ABCA13: variants seen among roughly 807,000 people sequenced by gnomAD.
The protein encoded by ABCA13 is ATP binding cassette subfamily A member 13.
A neutral mutation model predicts 478.7 loss-of-function variants in ABCA13; 476 were observed. The observed-to-expected ratio is 0.99, with a 90% confidence interval of 0.92 to 1.07. The LOEUF (loss-of-function observed/expected upper bound fraction) is 1.07, where lower values mean the gene tolerates loss of function less well. ABCA13 is among the 50% of genes least tolerant of loss of function. The pLI, the probability that ABCA13 is intolerant of heterozygous loss-of-function variation, is 0.00. For synonymous variants in ABCA13, 2,252 were observed against 2,158.9 expected (o/e 1.04, Z -1.20); for missense variants, 6,060 against 5,910.6 (o/e 1.03, Z -0.83).
At chr7:48,281,646 A>G (rs1344452033) in intron 19 of ABCA13, among the ~76,000 whole-genome samples, 194 bp downstream of exon 19, 2 of 152,056 alleles carry the variant, frequency 1.3e-5, no homozygotes, top group African/African-American at 4.8e-5. Flanking sequence ...CTCCAGCCAA[A>G]TTGAACGGCC....
In ABCA13 at chr7:48,352,240, C is replaced by T. The variant is rs1372378917; in HGVS notation, c.10441C>T (p.Pro3481Ser). 6.2e-7 allele frequency: 1 copy of T among 1,611,262 alleles called. No individual in the cohort carries two copies. The highest frequency in any genetic ancestry group is 8.5e-7 in the Non-Finnish European group (1 of 1,178,382). Residue 3481 changes from proline to serine, a missense_variant, in exon 31 of 62, where the codon CCA (proline) becomes TCA (serine). Physicochemically the swap from Pro to Ser is moderately conservative, Grantham distance 74. Transcript: ENST00000435803. ...KNFRSESVKL[P>S]PHVSYTIRTN... ...CTTCAGATCAGAGTCTGTCAAACTG[C>T]CACCCCATGTCTCATACACAATCCG...
chr7:48,338,305 A>T (rs1354560222), intron 28 of ABCA13, 60 bp from the exon 29 acceptor site: 28 of 1,235,280 alleles, frequency 2.3e-5, no homozygotes, highest in Non-Finnish European at 3.0e-5. Context: ...TCTAATAAGT[A>T]TTATTCAATA....
chr7:48,453,008 TATAG>T lies in ABCA13; in HGVS notation c.12566-2016_12566-2013del, dbSNP rs572127677. On this transcript the variant is annotated intron_variant, in intron 42 of 61. Transcript: ENST00000435803. ...GTATATACTTGTATGTGTGTATATATATAGATAGATAGATAGGTAGAGATATAAA... is the reference window on the plus strand; with the variant it reads ...GTATATACTTGTATGTGTGTATATATATAGATAGATAGGTAGAGATATAAA... Among the ~76,000 whole-genome samples the T allele has an allele frequency of 9.5e-4, 145 of 152,336 alleles. No individual in the cohort carries two copies. In the Middle Eastern group the frequency reaches 0.01, roughly 11 times the overall value.
intron 42 of ABCA13, among the ~76,000 whole-genome samples, chr7:48,431,783 G>T (rs1408463012): frequency 6.6e-6 from 1 of 151,972 alleles, no homozygotes; most frequent in Non-Finnish European, 1.5e-5. Context: ...GGTCTTTTTA[G>T]ACAGTGCTGG....
chr7:48,229,710 C>A, intron 6 of ABCA13, 115 bp from the exon 7 acceptor site: 2 of 1,237,796 alleles, frequency 1.6e-6, no homozygotes, highest in Non-Finnish European at 2.3e-6. Context: ...GGTCCAGCCA[C>A]ATCTTGCAAC....
chr7:48,236,084 G>T (rs1278688244), intron 8 of ABCA13, among the ~76,000 whole-genome samples: 3 of 152,082 alleles, frequency 2.0e-5, no homozygotes, highest in Non-Finnish European at 4.4e-5. Context: ...GTAGATCAAG[G>T]ATCACCTGTA....
intron 23 of ABCA13, among the ~76,000 whole-genome samples, chr7:48,307,745 A>G (rs1801123914): frequency 6.6e-6 from 1 of 152,120 alleles, no homozygotes; most frequent in East Asian, 1.9e-4. Flanking sequence ...CAGTGGCACA[A>G]TCTCGGCTCA....
intron 28 of ABCA13, among the ~76,000 whole-genome samples, chr7:48,336,892 G>A (rs1295874774): frequency 6.6e-6 from 1 of 152,210 alleles, no homozygotes; most frequent in Non-Finnish European, 1.5e-5. Context: ...GGTCTCTGCT[G>A]CAACTATATA....
At position 48,391,921 on chromosome 7, in the gene ABCA13, A is replaced by T. The variant is rs1816123863; in HGVS notation, c.11655A>T (p.Ile3885=). The change falls in exon 38 of 62, where the codon ATA becomes ATT. Residue 3885 remains isoleucine, a splice_region_variant and synonymous_variant. Transcript: ENST00000435803. ...GTNGAGKTTI[I]SMLTGLHPPT... ...CATGCTGTCTTATTTTCTCTGGCAG[A>T]TCCATGTTGACGGGGCTCCACCCTC... 1 of 1,613,582 alleles carries T rather than the reference A, an allele frequency of 6.2e-7. No individual in the cohort carries two copies. Among genetic ancestry groups the T allele is most frequent in the South Asian group, 1.1e-5 (1 of 91,012 alleles).
intron 35 of ABCA13, among the ~76,000 whole-genome samples, chr7:48,382,232 C>T (rs2129044961): frequency 6.6e-6 from 1 of 152,316 alleles, no homozygotes; most frequent in East Asian, 1.9e-4. Flanking sequence ...CCGACCCCAG[C>T]ACCTCACCTC....
rs1336789141 is a variant in ABCA13, at chr7:48,274,533, G to A, written c.4867G>A (p.Glu1623Lys). ...TTCACCAAAAATAATAATTTCACCT[G>A]AAATAATGAAAGCTACAGGTCTTGG... ...QNSPKIIISP[E>K]IMKATGLGIQ... Residue 1623 changes from glutamate to lysine, a missense_variant, in exon 17 of 62, where the codon GAA (glutamate) becomes AAA (lysine). Around this residue, in one of 3 missense-constraint regions of ABCA13, gnomAD observed 4,423 missense variants for 4,309.1 expected, o/e 1.03. Coordinates refer to ENST00000435803, the MANE Select transcript of ABCA13 (RefSeq NM_152701.5). 6.2e-7 allele frequency: 1 copy of A among 1,613,686 alleles called. No individual in the cohort carries two copies. Among genetic ancestry groups the A allele is most frequent in the Admixed American group, 1.7e-5 (1 of 60,000 alleles).
At chr7:48,300,243 G>A (rs1799963173) in intron 23 of ABCA13, among the ~76,000 whole-genome samples, 1 of 152,320 alleles carries the variant, frequency 6.6e-6, no homozygotes, top group South Asian at 2.1e-4. Flanking sequence ...GCTGTTGGTG[G>A]CATGCAGGGA....
chr7:48,599,793 T>C (rs1417848034), intron 58 of ABCA13, among the ~76,000 whole-genome samples: 4 of 152,170 alleles, frequency 2.6e-5, no homozygotes, highest in African/African-American at 9.7e-5. Context: ...CACAAAATGG[T>C]GGCAGGCTGG....
intron 19 of ABCA13, 33 bp downstream of exon 19, chr7:48,281,485 T>G: frequency 6.5e-7 from 1 of 1,543,362 alleles, no homozygotes; most frequent in East Asian, 2.4e-5. Context: ...GCTCTGCAAT[T>G]GCCCTGTGCC....
At chr7:48,338,865 C>A (rs529264606) in intron 29 of ABCA13, among the ~76,000 whole-genome samples, 1 of 152,278 alleles carries the variant, frequency 6.6e-6, no homozygotes, top group African/African-American at 2.4e-5. Context: ...TTTATTGTAC[C>A]TCTGCAATTG....
intron 23 of ABCA13, among the ~76,000 whole-genome samples, chr7:48,299,614 T>C (rs1799867689): frequency 6.6e-6 from 1 of 152,208 alleles, no homozygotes; most frequent in African/African-American, 2.4e-5. Context: ...AAAGAAGCAG[T>C]GGAAGGAGTA....
rs200774071 is a variant in ABCA13 at position 48,427,767 on chromosome 7, T to G, written c.12461T>G (p.Val4154Gly). The G allele has an allele frequency of 2.5e-6, 4 of 1,606,968 alleles. No homozygotes were observed. In the Admixed American group the frequency reaches 5.0e-5, roughly 20 times the overall value. Residue 4154 changes from valine (V) to glycine (G), a missense_variant and splice_region_variant, in exon 42 of 62, where the codon GTG (valine) becomes GGG (glycine). Transcript: ENST00000435803. ...ATGGCGTTTTTTTTTCTCCGAAAGG[T>G]GTTTTTGATGCTTTTGCAAGATTCC... ...YGISDTTLEE[V>G]FLMLLQDSNK...
intron 20 of ABCA13, among the ~76,000 whole-genome samples, chr7:48,291,514 G>A (rs1798531225): frequency 6.6e-6 from 1 of 152,102 alleles, no homozygotes; most frequent in Non-Finnish European, 1.5e-5. Flanking sequence ...ATGTAATGTG[G>A]ATCTGATTGA....
chr7:48,377,422 C>G (rs1325255541), intron 35 of ABCA13, among the ~76,000 whole-genome samples: 1 of 151,936 alleles, frequency 6.6e-6, no homozygotes, highest in Non-Finnish European at 1.5e-5. Context: ...TAGTGTCTAA[C>G]TAAATTAAAA....
Sources: gnomAD v4.1 joint callset for allele counts (sites outside exome capture counted in the v4.1 genomes callset) on GRCh38, gnomAD v4.1.1 for gene constraint, gnomAD v4.1.1 regional missense constraint, MANE v1.5 for transcripts, NCBI Gene and HGNC (gene_info 2026-07-23, HGNC 2026-07-21) for gene names.